ATG7: variants seen among roughly 807,000 people sequenced by gnomAD.
ATG7 encodes the protein autophagy related 7, also known as ubiquitin-like modifier-activating enzyme ATG7.
ATG7 carries 70 observed loss-of-function variants against 82.4 expected under a neutral mutation model. The observed-to-expected ratio is 0.85, with a 90% CI of 0.70 to 1.04. The LOEUF (loss-of-function observed/expected upper bound fraction) is 1.04. Ranked by LOEUF, ATG7 falls within the 50% of genes least tolerant of loss-of-function variation. The pLI, the probability that ATG7 is intolerant of heterozygous loss-of-function variation, is 0.00. For synonymous variants in ATG7, 287 were observed against 313.0 expected (o/e 0.92, Z 0.88); for missense variants, 792 against 864.3 (o/e 0.92, Z 1.05).
intron 9 of ATG7, among the ~76,000 whole-genome samples, chr3:11,318,987 G>A (rs921355577): frequency 1.3e-5 from 2 of 152,176 alleles, no homozygotes; most frequent in Admixed American, 6.5e-5. Flanking sequence ...TTTTCTGCCT[G>A]CCCCATATCC....
intron 18 of ATG7, among the ~76,000 whole-genome samples, chr3:11,375,598 C>T (rs1319351774): frequency 6.6e-6 from 1 of 152,180 alleles, no homozygotes; most frequent in Non-Finnish European, 1.5e-5. Context: ...CTTGCTCTGT[C>T]ATCCAAGCTG....
At chr3:11,366,671 T>G (rs190386744) in intron 18 of ATG7, among the ~76,000 whole-genome samples, 72 of 152,322 alleles carry the variant, frequency 4.7e-4, no homozygotes, top group African/African-American at 1.7e-3. Flanking sequence ...CTTTAAGTCC[T>G]TTATGTTAAA....
At chr3:11,458,541 G>A (rs966767274) in intron 20 of ATG7, among the ~76,000 whole-genome samples, 3 of 152,182 alleles carry the variant, frequency 2.0e-5, no homozygotes, top group African/African-American at 7.2e-5. Context: ...GGGATTACAG[G>A]CATGAGCCAC....
chr3:11,311,565 G>C (rs7640175), intron 7 of ATG7, among the ~76,000 whole-genome samples: 1 of 148,966 alleles, frequency 6.7e-6, no homozygotes, highest in African/African-American at 2.5e-5. Flanking sequence ...TCGTCGTGCC[G>C]TTGCACTCCA....
intron 9 of ATG7, among the ~76,000 whole-genome samples, chr3:11,328,829 G>A (rs1056985847): frequency 5.3e-5 from 8 of 152,236 alleles, no homozygotes; most frequent in African/African-American, 1.9e-4. Context: ...GCTCATGCCT[G>A]TAATCCCAGA....
intron 20 of ATG7, among the ~76,000 whole-genome samples, chr3:11,534,558 C>G (rs950048187): frequency 6.6e-6 from 1 of 152,254 alleles, no homozygotes; most frequent in African/African-American, 2.4e-5. Context: ...GTCCTTCATG[C>G]CGGGTGGCTA....
At position 11,429,541 on chromosome 3, in the gene ATG7, T is replaced by C. The variant is rs564916878; in HGVS notation, c.2079+2615T>C. On this transcript the variant is annotated intron_variant, in intron 20 of 20. Transcript: ENST00000693202. ...GTCTGAATTTTCCCATTTCCAACTTTGAAAAATCAGATCTGGGAACTCCAG... is the reference window on the plus strand; with the variant it reads ...GTCTGAATTTTCCCATTTCCAACTTCGAAAAATCAGATCTGGGAACTCCAG... Among the ~76,000 whole-genome samples, 7 of 151,648 alleles carry C rather than the reference T, an allele frequency of 4.6e-5. No individual in the cohort carries two copies. The South Asian group carries it at 1.5e-3, about 32-fold the overall frequency.
the ATG7 span, among the ~76,000 whole-genome samples, chr3:11,565,807 AC>A: frequency 6.6e-6 from 1 of 152,198 alleles, no homozygotes; most frequent in Non-Finnish European, 1.5e-5. This position sits in a 1 kb window ranked among gnomAD's most constrained non-coding sequence, Gnocchi z 4.1. Flanking sequence ...AGGCAGCGTT[AC>A]GTGTTGCATC....
At chr3:11,372,533 A>T (rs1360348004) in intron 18 of ATG7, among the ~76,000 whole-genome samples, 4 of 151,046 alleles carry the variant, frequency 2.6e-5, no homozygotes, top group African/African-American at 9.8e-5. Flanking sequence ...ATACACTCAC[A>T]TAACTATCAC....
intron 19 of ATG7, among the ~76,000 whole-genome samples, chr3:11,417,932 C>T (rs984142110): frequency 3.0e-4 from 45 of 151,198 alleles, no homozygotes; most frequent in South Asian, 6.3e-4. Flanking sequence ...CTCAGCCTCC[C>T]GAGTAGCTGG....
intron 3 of ATG7, among the ~76,000 whole-genome samples, chr3:11,286,097 A>G (rs896417617): frequency 4.6e-5 from 7 of 152,186 alleles, no homozygotes; most frequent in African/African-American, 1.4e-4. Context: ...TTTTCATCCA[A>G]ACACCACAGA....
At chr3:11,328,247 A>G (rs1372542863) in intron 9 of ATG7, among the ~76,000 whole-genome samples, 1 of 152,212 alleles carries the variant, frequency 6.6e-6, no homozygotes, top group Non-Finnish European at 1.5e-5. Flanking sequence ...GCTCTATGAA[A>G]TAAGTAATAT....
At chr3:11,317,160 T>C (rs1409826201) in intron 9 of ATG7, among the ~76,000 whole-genome samples, 1 of 152,144 alleles carries the variant, frequency 6.6e-6, no homozygotes, top group Admixed American at 6.5e-5. Flanking sequence ...CCTTTTTAAA[T>C]TGAGGACTGA....
intron 3 of ATG7, among the ~76,000 whole-genome samples, chr3:11,282,884 ACAT>A (rs1276822826): frequency 6.6e-6 from 1 of 152,140 alleles, no homozygotes; most frequent in Non-Finnish European, 1.5e-5. Context: ...TCCTTTTTAC[ACAT>A]CAGCAGCTAA....
intron 19 of ATG7, among the ~76,000 whole-genome samples, chr3:11,414,418 C>G (rs2081190487): frequency 6.6e-6 from 1 of 152,162 alleles, no homozygotes; most frequent in Non-Finnish European, 1.5e-5. Flanking sequence ...TGCAGTGTTG[C>G]TGTGATTGCG....
At chr3:11,359,677 C>T (rs576261758) in intron 15 of ATG7, among the ~76,000 whole-genome samples, 6 of 151,818 alleles carry the variant, frequency 4.0e-5, no homozygotes, top group Admixed American at 3.3e-4. Context: ...GCCTGGGCAA[C>T]GGAGTGAGAT....
At chr3:11,280,278 TATG>T (rs767751140) in intron 1 of ATG7, among the ~76,000 whole-genome samples, 2 of 152,122 alleles carry the variant, frequency 1.3e-5, no homozygotes, top group African/African-American at 2.4e-5. Context: ...TGGTAAACAA[TATG>T]ATATTAGTCC....
chr3:11,484,263 G>A lies in ATG7; in HGVS notation c.2079+57337G>A, dbSNP rs149493018. On this transcript the variant is annotated intron_variant, in intron 20 of 20. Coordinates refer to ENST00000693202, the MANE Select transcript of ATG7 (RefSeq NM_001349232.2). ...ACAAAAATCAGCCAGGTATGGTGGC[G>A]TGCACCTGTAATCCCAGCTCCTCAG... is the stretch of plus-strand genomic sequence containing the variant. 7.6e-3 allele frequency among the ~76,000 whole-genome samples: 1,163 copies of A among 152,178 alleles called. 18 individuals are homozygous for A. The highest frequency in any genetic ancestry group is 0.027 in the African/African-American group (1,107 of 41,542).
Position 11,284,235 on chromosome 3 carries a change from A to G in ATG7, c.-11+1797A>G, listed in dbSNP as rs186400321. 1.1e-4 allele frequency among the ~76,000 whole-genome samples: 17 copies of G among 152,300 alleles called. No individual in the cohort carries two copies. The South Asian group carries it at 2.5e-3, about 22-fold the overall frequency. On this transcript the variant is annotated intron_variant, in intron 3 of 20. Coordinates refer to ENST00000693202, the MANE Select transcript of ATG7 (RefSeq NM_001349232.2). ...ACACTTCTTCATTTTAAAAAATCCT[A>G]TACTGGCTTGATTATTTGCTGTGTC...
Sources: allele counts gnomAD v4.1 joint callset (sites outside exome capture counted in the v4.1 genomes callset), GRCh38; gene constraint gnomAD v4.1.1; non-coding constraint Gnocchi (gnomAD v3.1); transcripts MANE v1.5; gene names NCBI Gene and HGNC (gene_info 2026-07-23, HGNC 2026-07-21).